The following ABR variants were observed in gnomAD, a reference collection of about 807,000 sequenced individuals.
The protein encoded by ABR is ABR activator of RhoGEF and GTPase, also known as active breakpoint cluster region-related protein.
ABR carries 35 observed loss-of-function variants against 107.2 expected under a neutral mutation model. The ratio of observed to expected loss-of-function variants is 0.33; its 90% CI spans 0.25 to 0.43. The LOEUF (loss-of-function observed/expected upper bound fraction) is 0.43. ABR is among the 20% of genes least tolerant of loss of function. The probability of loss-of-function intolerance (pLI) is 1.00; values close to 1 mark genes in which losing one functional copy is unlikely to be tolerated. For synonymous variants in ABR, 498 were observed against 462.0 expected, an observed-to-expected ratio of 1.08 and a Z score of -1.00; for missense variants, 815 against 1,115.2, an observed-to-expected ratio of 0.73 and a Z score of 3.83.
chr17:1,023,800 G>A (rs1458299030), intron 16 of ABR, among the ~76,000 whole-genome samples: 3 of 152,098 alleles, frequency 2.0e-5, no homozygotes, highest in Admixed American at 6.5e-5. Context: ...CTAGGTGGGA[G>A]GATCACCTGA....
intron 16 of ABR, among the ~76,000 whole-genome samples, chr17:1,017,616 C>T (rs1471929063): frequency 6.6e-6 from 1 of 151,518 alleles, no homozygotes; most frequent in Non-Finnish European, 1.5e-5. Context: ...TACAGGTGCG[C>T]ACCATCACAC....
At chr17:1,172,661 A>G (rs542523443) in intron 1 of ABR, among the ~76,000 whole-genome samples, 1 of 152,170 alleles carries the variant, frequency 6.6e-6, no homozygotes, top group African/African-American at 2.4e-5. Flanking sequence ...AGGCAGGAGA[A>G]TCGCTTGAAC....
intron 1 of ABR, among the ~76,000 whole-genome samples, chr17:1,147,250 G>A (rs890834460): frequency 1.2e-4 from 19 of 152,282 alleles, no homozygotes; most frequent in African/African-American, 3.4e-4. Context: ...GCTGGGTCCC[G>A]GCATGACCAC....
chr17:1,012,058 C>T, intron 18 of ABR, 73 bp from the exon 19 acceptor site: 1 of 1,599,416 alleles, frequency 6.3e-7, no homozygotes, highest in Non-Finnish European at 8.5e-7. Flanking sequence ...CCACCCAGCA[C>T]ACACACACCC....
intron 1 of ABR, among the ~76,000 whole-genome samples, chr17:1,172,533 G>A (rs1451522886): frequency 2.6e-5 from 4 of 152,222 alleles, no homozygotes; most frequent in East Asian, 1.9e-4. Context: ...GGTGGATCAC[G>A]AGGTCACGAG....
chr17:1,109,082 C>T (rs776987037), intron 2 of ABR: 4 of 1,583,642 alleles, frequency 2.5e-6, no homozygotes, highest in Non-Finnish European at 1.7e-6. Context: ...AGCCGGAGCC[C>T]GCGGAGGGCA....
rs1324448064 is a variant in ABR, at chr17:1,065,482, CT to C, written c.1182+1594del. On this transcript the variant is annotated intron_variant, in intron 10 of 22. Coordinates refer to ENST00000302538, the MANE Select transcript of ABR (RefSeq NM_021962.5). ...AGGGCTATGCATGTTCCTCTAGACGCTGTTGTTATGTGAACTGAGGGCTATG... is the reference window on the plus strand; with the variant it reads ...AGGGCTATGCATGTTCCTCTAGACGCGTTGTTATGTGAACTGAGGGCTATG... 1.2e-3 allele frequency among the ~76,000 whole-genome samples: 128 copies of C among 104,730 alleles called. 19 individuals carry two copies. Among genetic ancestry groups the C allele is most frequent in the Non-Finnish European group, 3.1e-4 (14 of 44,488 alleles). 68.7% of individuals were successfully genotyped at this position (104,730 alleles called of 152,430 possible).
In ABR at chr17:1,009,669, T is replaced by C; in HGVS notation, c.2342+10A>G. The C allele has an allele frequency of 6.2e-7, 1 of 1,611,662 alleles. No homozygotes were observed. Among genetic ancestry groups the C allele is most frequent in the East Asian group, 2.2e-5 (1 of 44,848 alleles). On this transcript the variant is annotated intron_variant, in intron 21 of 22. Coordinates refer to ENST00000302538, the MANE Select transcript of ABR (RefSeq NM_021962.5). ...ACTGAGGAGGTGGGGTTGGGGCCGC[T>C]CCCCGTTACCTTTTCAAGTGTTCCA...
chr17:1,204,866 C>T (rs1312983050), intron 1 of ABR, among the ~76,000 whole-genome samples: 1 of 147,960 alleles, frequency 6.8e-6, no homozygotes, highest in Admixed American at 6.8e-5. Flanking sequence ...CTACACATTT[C>T]TCAGAACCTC....
chr17:1,223,095 G>C (rs1278538218), intron 1 of ABR, among the ~76,000 whole-genome samples: 1 of 150,310 alleles, frequency 6.7e-6, no homozygotes, highest in Non-Finnish European at 1.5e-5. Context: ...CCAGCTACTC[G>C]GGGGGCTGAG....
At position 1,058,058 on chromosome 17, in the gene ABR, G is replaced by C. The variant is rs750826909; in HGVS notation, c.1306-13C>G. 1 of 1,583,764 alleles carries C rather than the reference G, an allele frequency of 6.3e-7. No homozygotes were observed. Among genetic ancestry groups the C allele is most frequent in the Non-Finnish European group, 8.6e-7 (1 of 1,160,288 alleles). On this transcript the variant is annotated splice_polypyrimidine_tract_variant and intron_variant, in intron 11 of 22. Transcript: ENST00000302538. ...GGAACAGGTAACTCTGAAGAGAGGA[G>C]ATAAGCATAAAGTGGGTGACCACAG...
At chr17:1,019,048 A>G (rs1480128570) in intron 16 of ABR, among the ~76,000 whole-genome samples, 1 of 152,102 alleles carries the variant, frequency 6.6e-6, no homozygotes, top group Non-Finnish European at 1.5e-5. Context: ...CTTCCTCAGA[A>G]AGGCAACATC....
intron 1 of ABR, among the ~76,000 whole-genome samples, chr17:1,202,412 T>A (rs2042687805): frequency 6.6e-6 from 1 of 152,198 alleles, no homozygotes; most frequent in African/African-American, 2.4e-5. Context: ...TTATTACTCA[T>A]CTTAGATCAC....
intron 16 of ABR, among the ~76,000 whole-genome samples, chr17:1,039,998 T>A (rs2030058883): frequency 6.6e-6 from 1 of 152,114 alleles, no homozygotes; most frequent in Non-Finnish European, 1.5e-5. Context: ...TCCTTCCCAG[T>A]TGAATCAAGG....
chr17:1,091,737 G>A lies in ABR; in HGVS notation c.459C>T (p.Phe153=). 1 of 1,614,200 alleles carries A rather than the reference G, an allele frequency of 6.2e-7. No individual in the cohort carries two copies. Among genetic ancestry groups the A allele is most frequent in the Non-Finnish European group, 8.5e-7 (1 of 1,180,042 alleles). Residue 153 remains phenylalanine (F), a synonymous_variant, in exon 4 of 23, where the codon TTC becomes TTT. Transcript: ENST00000302538. The part of the protein sequence containing the change: ...IQDIYEIHKE[F]YDNLCPKVQQ... The stretch of plus-strand genomic sequence containing the variant: ...GCACCTTGGGGCACAGGTTGTCATA[G>A]AACTCCTTGTGGATCTCATAGATGT...
At chr17:1,034,602 G>A (rs757553533) in intron 16 of ABR, among the ~76,000 whole-genome samples, 5 of 152,096 alleles carry the variant, frequency 3.3e-5, no homozygotes, top group Admixed American at 6.5e-5. Context: ...TGGGGCCCTC[G>A]GGGCTGTAGG....
upstream of ABR, among the ~76,000 whole-genome samples, chr17:1,180,137 G>C (rs964251917): frequency 3.3e-5 from 5 of 151,738 alleles, no homozygotes; most frequent in Non-Finnish European, 7.4e-5. Flanking sequence ...AGGGGGCAGC[G>C]GGGCTCCGGC....
intron 10 of ABR, among the ~76,000 whole-genome samples, chr17:1,061,225 C>T (rs1255359735): frequency 2.6e-5 from 4 of 151,626 alleles, no homozygotes; most frequent in African/African-American, 4.8e-5. Context: ...CACAAGGCCA[C>T]GTCTGCACAG....
chr17:1,018,163 C>G (rs1728182885), intron 16 of ABR, among the ~76,000 whole-genome samples: 2 of 152,148 alleles, frequency 1.3e-5, no homozygotes, highest in African/African-American at 4.8e-5. Flanking sequence ...CTGCCTCAGC[C>G]TCCTGAGTAG....
Sources: allele counts gnomAD v4.1 joint callset (sites outside exome capture counted in the v4.1 genomes callset), GRCh38; gene constraint gnomAD v4.1.1; transcripts MANE v1.5; gene names NCBI Gene and HGNC (gene_info 2026-07-23, HGNC 2026-07-21).